Variants in IDH1 observed in about 807,000 individuals in gnomAD.
IDH1 encodes the protein isocitrate dehydrogenase [NADP] cytoplasmic.
IDH1 carries 33 observed loss-of-function variants against 46.1 expected under a neutral mutation model. The observed-to-expected ratio is 0.72, with a 90% CI of 0.54 to 0.96. The LOEUF (loss-of-function observed/expected upper bound fraction) is 0.96, where lower values mean the gene tolerates loss of function less well. Among genes scored for constraint, IDH1 ranks in the 40% least tolerant of loss-of-function variants. The pLI, the probability that IDH1 is intolerant of heterozygous loss-of-function variation, is 0.00. For missense variants in IDH1, 421 were observed against 515.7 expected, an observed-to-expected ratio of 0.82 and a Z score of 1.78; for synonymous variants, 144 against 172.8, an observed-to-expected ratio of 0.83 and a Z score of 1.31.
intron 7 of IDH1, 85 bp from the exon 8 acceptor site, chr2:208,240,088 T>C (rs1296461150): frequency 7.1e-7 from 1 of 1,400,448 alleles, no homozygotes; most frequent in African/African-American, 1.4e-5. Flanking sequence ...AATGACTCAA[T>C]CTTGATAGGT....
At chr2:208,242,273 C>G in intron 6 of IDH1, 128 bp from the exon 7 acceptor site, 1 of 860,996 alleles carries the variant, frequency 1.2e-6, no homozygotes, top group Non-Finnish European at 1.9e-6. Context: ...GTAGCAGAAA[C>G]TCAGGAATCT....
At chr2:208,243,329 A>G (rs1687955046) in intron 6 of IDH1, 98 bp downstream of exon 6, 4 of 986,958 alleles carry the variant, frequency 4.1e-6, no homozygotes, top group Admixed American at 2.0e-5. Flanking sequence ...TTTTCACTCA[A>G]TTTACCCAGA....
intron 6 of IDH1, among the ~76,000 whole-genome samples, 187 bp from the exon 7 acceptor site, chr2:208,242,332 C>T (rs1485034755): frequency 1.3e-5 from 2 of 152,162 alleles, no homozygotes; most frequent in Non-Finnish European, 2.9e-5. Context: ...AACTGTAAAA[C>T]TCAATTTGAC....
At chr2:208,242,342 C>A (rs540137743) in intron 6 of IDH1, among the ~76,000 whole-genome samples, 197 bp from the exon 7 acceptor site, 4 of 152,314 alleles carry the variant, frequency 2.6e-5, no homozygotes, top group East Asian at 3.9e-4. Context: ...CTCAATTTGA[C>A]TATCTGTAGG....
At chr2:208,247,881 TG>T in intron 4 of IDH1, 1 of 176,046 alleles carries the variant, frequency 5.7e-6, no homozygotes, top group South Asian at 1.3e-4. Context: ...TAGATTCACC[TG>T]GGGAGCTTTA....
At chr2:208,238,032 C>A (rs1041091416) in intron 9 of IDH1, among the ~76,000 whole-genome samples, 1 of 151,380 alleles carries the variant, frequency 6.6e-6, no homozygotes, top group South Asian at 2.1e-4. Context: ...ATTTTGAACA[C>A]TGCAATCTTT....
At chr2:208,242,829 A>T (rs1326377461) in intron 6 of IDH1, among the ~76,000 whole-genome samples, 2 of 147,856 alleles carry the variant, frequency 1.4e-5, no homozygotes, top group African/African-American at 5.0e-5. Flanking sequence ...CAGTGGCGTG[A>T]TTTCGGCTCA....
chr2:208,239,131 T>A lies in IDH1; in HGVS notation c.1094A>T (p.Glu365Val), dbSNP rs781533021. The stretch of plus-strand genomic sequence containing the variant: ...GGTCATGAAGCCAGCCTCAATTGTC[T>A]CAATAGAGACTTCTTCCAAAGCATT... ...FANALEEVSI[E>V]TIEAGFMTKD... Residue 365 changes from glutamate to valine, a missense_variant, in exon 9 of 10, where the codon GAG becomes GTG. Transcript: ENST00000345146. 2 of 1,613,958 alleles carry A rather than the reference T, an allele frequency of 1.2e-6. No homozygotes were observed. The highest frequency in any genetic ancestry group is 1.1e-5 in the South Asian group (1 of 91,074).
At chr2:208,239,281 G>A (rs1687874580) in intron 8 of IDH1, 48 bp from the exon 9 acceptor site, 3 of 1,597,268 alleles carry the variant, frequency 1.9e-6, no homozygotes, top group African/African-American at 1.3e-5. Flanking sequence ...CCTAGTTATA[G>A]AGGTTTCCAA....
chr2:208,251,681 G>T, intron 2 of IDH1, 114 bp from the exon 3 acceptor site: 1 of 795,234 alleles, frequency 1.3e-6, no homozygotes, highest in Non-Finnish European at 2.0e-6. Context: ...AACAATTCAT[G>T]CAATTCAATT....
Position 208,239,174 on chromosome 2 carries a change from C to T in IDH1, c.1051G>A (p.Glu351Lys), listed in dbSNP as rs1351761015. Reference sequence around the variant, plus strand: ...AAAGCATTTGCAAAGAAGGCAAGCTCTTTATTGTTATCAAGCTTTGCTCTG... The same window carrying T: ...AAAGCATTTGCAAAGAAGGCAAGCTTTTTATTGTTATCAAGCTTTGCTCTG... ...AHRAKLDNNKELAFFANALEE... is the reference protein window; with the variant it reads ...AHRAKLDNNKKLAFFANALEE... Residue 351 changes from glutamate to lysine, a missense_variant, in exon 9 of 10, where the codon GAG becomes AAG. Glu to Lys is a moderately conservative substitution (Grantham distance 56). Coordinates refer to ENST00000345146, the MANE Select transcript of IDH1 (RefSeq NM_005896.4). 1.2e-6 allele frequency: 2 copies of T among 1,614,056 alleles called. No individual in the cohort carries two copies. Among genetic ancestry groups the T allele is most frequent in the South Asian group, 2.2e-5 (2 of 91,080 alleles).
intron 6 of IDH1, among the ~76,000 whole-genome samples, chr2:208,242,419 T>C (rs1030323179): frequency 1.3e-5 from 2 of 152,238 alleles, no homozygotes; most frequent in African/African-American, 4.8e-5. Context: ...TCCCAATGAC[T>C]ACTTCACTTT....
intron 4 of IDH1, among the ~76,000 whole-genome samples, chr2:208,246,730 G>T (rs1688029757): frequency 1.3e-5 from 2 of 151,298 alleles, no homozygotes; most frequent in Non-Finnish European, 2.9e-5. Context: ...GGATCACAAG[G>T]TCAGGAGTTT....
chr2:208,238,905 T>G (rs1390472286), intron 9 of IDH1, among the ~76,000 whole-genome samples, 166 bp downstream of exon 9: 1 of 152,198 alleles, frequency 6.6e-6, no homozygotes, highest in Non-Finnish European at 1.5e-5. Context: ...GACTATATGT[T>G]CCACAAAGCC....
intron 9 of IDH1, among the ~76,000 whole-genome samples, chr2:208,238,588 G>A (rs903035008): frequency 6.6e-6 from 1 of 152,146 alleles, no homozygotes; most frequent in African/African-American, 2.4e-5. Flanking sequence ...TTAAACTTGT[G>A]CTGCTCACTT....
rs1390108293 is a variant in IDH1, at chr2:208,250,589, G to GC, written c.122+840dup. On this transcript the variant is annotated intron_variant, in intron 3 of 9. Transcript: ENST00000345146. ...CAATATTTTTCTATGCCAGTCTTCA[G>GC]CCACTTTACCCTTTTAAAAATTCTA... Among the ~76,000 whole-genome samples the GC allele has an allele frequency of 5.9e-5, 9 of 152,270 alleles. No homozygotes were observed. The Middle Eastern group carries it at 0.024, about 403-fold the overall frequency.
Position 208,242,069 on chromosome 2 carries a change from T to C in IDH1, c.775A>G (p.Met259Val), listed in dbSNP as rs1687929175. ...CAGATGAAGCCTCCCTCTGATTTCA[T>C]AGCTTGGGCCACCATGTCGTCGATG... ...RLIDDMVAQA[M>V]KSEGGFIWAC... Residue 259 changes from methionine (M) to valine (V), a missense_variant, in exon 7 of 10, where the codon ATG (methionine) becomes GTG (valine). Physicochemically the swap from Met to Val is conservative, Grantham distance 21. Coordinates refer to ENST00000345146, the MANE Select transcript of IDH1 (RefSeq NM_005896.4). 6.2e-7 allele frequency: 1 copy of C among 1,613,544 alleles called. No homozygotes were observed. Among genetic ancestry groups the C allele is most frequent in the Admixed American group, 1.7e-5 (1 of 59,996 alleles).
chr2:208,253,680 G>C (rs547386512), intron 2 of IDH1, among the ~76,000 whole-genome samples: 5 of 152,136 alleles, frequency 3.3e-5, no homozygotes, highest in Non-Finnish European at 7.3e-5. Context: ...CCGAGTTCAT[G>C]AACTACAATA....
intron 1 of IDH1, chr2:208,254,211 T>C (rs563367302): frequency 4.3e-4 from 65 of 152,602 alleles, no homozygotes; most frequent in African/African-American, 1.5e-3. Context: ...GGGGTTTGCA[T>C]GTCCTTGCTC....
Sources: allele counts gnomAD v4.1 joint callset (sites outside exome capture counted in the v4.1 genomes callset), GRCh38; gene constraint gnomAD v4.1.1; transcripts MANE v1.5; gene names NCBI Gene and HGNC (gene_info 2026-07-23, HGNC 2026-07-21).